Variants in RFX4 observed in about 807,000 individuals in gnomAD.
The protein encoded by RFX4 is regulatory factor X4.
A neutral mutation model predicts 95.0 loss-of-function variants in RFX4; 10 were observed. The ratio of observed to expected loss-of-function variants is 0.11; its 90% CI spans 0.06 to 0.18. The LOEUF (loss-of-function observed/expected upper bound fraction) is 0.18. Among genes scored for constraint, RFX4 ranks in the 10% least tolerant of loss-of-function variants. The pLI, the probability that RFX4 is intolerant of heterozygous loss-of-function variation, is 1.00. For missense variants in RFX4, 640 were observed against 922.0 expected (o/e 0.69, Z 3.96); for synonymous variants, 321 against 340.7 (o/e 0.94, Z 0.64).
At chr12:106,760,603 A>AT (rs2043191878) in intron 17 of RFX4, among the ~76,000 whole-genome samples, 1 of 152,198 alleles carries the variant, frequency 6.6e-6, no homozygotes, top group African/African-American at 2.4e-5. Context: ...ATGTTCTCTA[A>AT]ATGATAGGCA....
intron 13 of RFX4, among the ~76,000 whole-genome samples, chr12:106,721,279 A>G (rs193290814): frequency 1.3e-3 from 194 of 152,326 alleles, no homozygotes; most frequent in Non-Finnish European, 2.1e-3. Context: ...TTGATTGACC[A>G]TACTCTTGCT....
chr12:106,720,138 A>C lies in RFX4; in HGVS notation c.1233+84A>C. Reference sequence around the variant, plus strand: ...GTGAACTTGGCCAAGACAAAGCCCTATGGTAAGCTATCTGAACAGGGTTTT... The same window carrying C: ...GTGAACTTGGCCAAGACAAAGCCCTCTGGTAAGCTATCTGAACAGGGTTTT... On this transcript the variant is annotated intron_variant, in intron 12 of 17. Transcript: ENST00000392842. The surrounding 1 kb of genome is among the most constrained non-coding windows in gnomAD (Gnocchi z 4.2). 1 of 1,159,488 alleles carries C rather than the reference A, an allele frequency of 8.6e-7. No homozygotes were observed. The highest frequency in any genetic ancestry group is 1.3e-6 in the Non-Finnish European group (1 of 771,702). 71.8% of individuals were successfully genotyped at this position (1,159,488 alleles called of 1,614,324 possible).
At chr12:106,728,726 C>T (rs758252128) in intron 13 of RFX4, among the ~76,000 whole-genome samples, 15 of 152,076 alleles carry the variant, frequency 9.9e-5, no homozygotes, top group Admixed American at 3.3e-4. Flanking sequence ...ATTCACTATC[C>T]TCATCGCTGC....
intron 17 of RFX4, among the ~76,000 whole-genome samples, chr12:106,752,458 T>C (rs1307100944): frequency 1.3e-5 from 2 of 152,130 alleles, no homozygotes; most frequent in Non-Finnish European, 2.9e-5. Context: ...GTTTTTTTTT[T>C]CATTCTATCC....
At chr12:106,638,612 A>G (rs2040560119) in intron 2 of RFX4, among the ~76,000 whole-genome samples, 1 of 152,210 alleles carries the variant, frequency 6.6e-6, no homozygotes, top group African/African-American at 2.4e-5. Flanking sequence ...GTTATGAACA[A>G]CAGAGATTTA....
intron 2 of RFX4, among the ~76,000 whole-genome samples, chr12:106,618,404 T>C (rs978297529): frequency 6.6e-6 from 1 of 152,148 alleles, no homozygotes; most frequent in Non-Finnish European, 1.5e-5. Flanking sequence ...TTTAGCTTTG[T>C]TAATTTTTAC....
chr12:106,605,718 G>A (rs138695602), intron 1 of RFX4, among the ~76,000 whole-genome samples: 1,629 of 152,338 alleles, frequency 0.011, 15 homozygotes, highest in Admixed American at 0.019. Context: ...TGAAACAAAT[G>A]TGGTTCTTTG....
At chr12:106,617,494 G>T (rs188688502) in intron 2 of RFX4, among the ~76,000 whole-genome samples, 34 of 152,052 alleles carry the variant, frequency 2.2e-4, no homozygotes, top group Admixed American at 2.2e-3. Flanking sequence ...TTTTACTTAT[G>T]GTTTATTTAG....
intron 6 of RFX4, 81 bp downstream of exon 6, chr12:106,687,178 TCTCTCACACACA>T: frequency 2.7e-6 from 2 of 742,342 alleles, no homozygotes; most frequent in Non-Finnish European, 4.4e-6. Context: ...TCTCTCTCTC[TCTCTCACACACA>T]CACACACACA....
chr12:106,755,852 G>C (rs1163566399), intron 17 of RFX4, among the ~76,000 whole-genome samples: 1 of 152,140 alleles, frequency 6.6e-6, no homozygotes, highest in African/African-American at 2.4e-5. Flanking sequence ...AAATGCAATT[G>C]GTCATCAGCA....
At chr12:106,590,986 ATAAAAAAAGAAAAAT>A (rs1362322005) in intron 1 of RFX4, among the ~76,000 whole-genome samples, 1 of 152,046 alleles carries the variant, frequency 6.6e-6, no homozygotes, top group African/African-American at 2.4e-5. Flanking sequence ...GAAAAGAACA[ATAAAAAAAGAAAAAT>A]TAAAAAAAGA....
At chr12:106,712,665 G>T (rs556714422) in intron 10 of RFX4, among the ~76,000 whole-genome samples, 4 of 152,266 alleles carry the variant, frequency 2.6e-5, no homozygotes, top group African/African-American at 9.6e-5. Context: ...GGAGACCAGA[G>T]GGAAACTCAT....
intron 1 of RFX4, among the ~76,000 whole-genome samples, chr12:106,588,188 A>C (rs748679245): frequency 1.3e-5 from 2 of 152,200 alleles, no homozygotes; most frequent in Non-Finnish European, 2.9e-5. Context: ...TATTTTTTGC[A>C]AATCATTTGG....
Position 106,747,512 on chromosome 12 carries a change from A to G in RFX4, c.1709A>G (p.Gln570Arg), listed in dbSNP as rs746540096. ...GCTGGGTCCCCAGCTGAGAACTCCCAACAGCTGCCCTGTATGAGGAACACT... is the reference window on the plus strand; with the variant it reads ...GCTGGGTCCCCAGCTGAGAACTCCCGACAGCTGCCCTGTATGAGGAACACT... The part of the protein sequence containing the change: ...TAAGSPAENS[Q>R]QLPCMRNTHV... Residue 570 changes from glutamine to arginine, a missense_variant, in exon 16 of 18, where the codon CAA becomes CGA. Gln to Arg is a conservative substitution (Grantham distance 43, BLOSUM62 1). Coordinates refer to ENST00000392842, the MANE Select transcript of RFX4 (RefSeq NM_213594.3). 5 of 1,614,054 alleles carry G rather than the reference A, an allele frequency of 3.1e-6. No homozygotes were observed. The African/African-American group carries it at 6.7e-5, about 22-fold the overall frequency.
chr12:106,700,403 CTTTTTTTTTTT>C (rs989886928), intron 8 of RFX4, among the ~76,000 whole-genome samples: 22 of 122,692 alleles, frequency 1.8e-4, no homozygotes, highest in African/African-American at 5.3e-4. Flanking sequence ...TCTTCTTTTT[CTTTTTTTTTTT>C]TTTTTTTTTT....
chr12:106,758,092 T>C (rs1028561849), intron 17 of RFX4, among the ~76,000 whole-genome samples: 1 of 152,214 alleles, frequency 6.6e-6, no homozygotes, highest in Non-Finnish European at 1.5e-5. Context: ...AAAGGTGCCT[T>C]ATTCCAGACA....
chr12:106,691,053 G>C (rs952252284), intron 7 of RFX4, among the ~76,000 whole-genome samples: 2 of 152,220 alleles, frequency 1.3e-5, no homozygotes, highest in African/African-American at 4.8e-5. Context: ...CTAGGATGCA[G>C]AATATATGGT....
At chr12:106,585,267 G>A (rs1162924290) in intron 1 of RFX4, among the ~76,000 whole-genome samples, 1 of 152,162 alleles carries the variant, frequency 6.6e-6, no homozygotes, top group African/African-American at 2.4e-5. Context: ...CTGTGGATTC[G>A]TGGCGTTTTC....
intron 4 of RFX4, among the ~76,000 whole-genome samples, chr12:106,669,839 GGTGTGT>G (rs60975691): frequency 8.7e-4 from 125 of 143,238 alleles, no homozygotes; most frequent in South Asian, 2.1e-3. Context: ...TTTTTCTAGG[GGTGTGT>G]GTGTGTGTGT....
Sources: allele counts gnomAD v4.1 joint callset (sites outside exome capture counted in the v4.1 genomes callset), GRCh38; gene constraint gnomAD v4.1.1; non-coding constraint Gnocchi (gnomAD v3.1); transcripts MANE v1.5; gene names NCBI Gene and HGNC (gene_info 2026-07-23, HGNC 2026-07-21).